Variants in NRXN1 observed in about 807,000 individuals in gnomAD.
NRXN1 encodes neurexin-1.
NRXN1 carries 39 observed loss-of-function variants against 150.9 expected under a neutral mutation model. The ratio of observed to expected loss-of-function variants is 0.26; its 90% CI spans 0.20 to 0.34. The LOEUF (loss-of-function observed/expected upper bound fraction) is 0.34. Among genes scored for constraint, NRXN1 ranks in the 10% least tolerant of loss-of-function variants. The pLI is 1.00. For synonymous variants in NRXN1, 924 were observed against 757.0 expected (o/e 1.22, Z -3.62); for missense variants, 1,815 against 1,949.9 (o/e 0.93, Z 1.30).
chr2:50,594,054 G>A (rs935301120), intron 8 of NRXN1, among the ~76,000 whole-genome samples: 3 of 152,152 alleles, frequency 2.0e-5, no homozygotes, highest in Non-Finnish European at 2.9e-5. Flanking sequence ...TGCAAATGAA[G>A]AAAGACTTAT....
intron 5 of NRXN1, among the ~76,000 whole-genome samples, chr2:50,739,937 T>TA (rs1699231063): frequency 1.3e-5 from 2 of 152,190 alleles, no homozygotes; most frequent in African/African-American, 2.4e-5. Context: ...ATCTGTGATT[T>TA]AAAAAAATCA....
chr2:50,790,921 C>T (rs190656751), intron 5 of NRXN1, among the ~76,000 whole-genome samples: 1 of 152,138 alleles, frequency 6.6e-6, no homozygotes, highest in Admixed American at 6.5e-5. Context: ...CAAGTGGGTG[C>T]TCAAATCTTT....
At chr2:50,566,304 C>G (rs1159557918) in intron 8 of NRXN1, among the ~76,000 whole-genome samples, 1 of 152,016 alleles carries the variant, frequency 6.6e-6, no homozygotes, top group Non-Finnish European at 1.5e-5. Flanking sequence ...AGTACAGTGG[C>G]ATGATCTCAG....
chr2:49,922,062 C>T lies in NRXN1; in HGVS notation c.4406G>A (p.Arg1469Gln), dbSNP rs1240177957. Residue 1469 changes from arginine to glutamine, a missense_variant, in exon 23 of 23, where the codon CGA becomes CAA. Transcript: ENST00000401669. ...DEGSYHVDES[R>Q]NYISNSAQSN... ...CTGTGCTGAGTTACTGATGTAGTTT[C>T]GACTCTCGTCCACATGGTATGAGCC... The T allele has an allele frequency of 4.3e-6, 7 of 1,613,958 alleles. No homozygotes were observed. The highest frequency in any genetic ancestry group is 3.3e-5 in the South Asian group (3 of 91,076).
chr2:50,362,901 C>A (rs923698259), intron 17 of NRXN1, among the ~76,000 whole-genome samples: 2 of 152,074 alleles, frequency 1.3e-5, no homozygotes, highest in Non-Finnish European at 2.9e-5. Flanking sequence ...ATATATAGAC[C>A]AATGGAATAG....
At chr2:50,578,011 A>T (rs1339972607) in intron 8 of NRXN1, among the ~76,000 whole-genome samples, 1 of 152,160 alleles carries the variant, frequency 6.6e-6, no homozygotes, top group East Asian at 1.9e-4. Context: ...ATTGACATTC[A>T]GATTTAGCAA....
chr2:50,760,327 G>A (rs1574381280), intron 5 of NRXN1, among the ~76,000 whole-genome samples: 1 of 151,844 alleles, frequency 6.6e-6, no homozygotes, highest in East Asian at 1.9e-4. Flanking sequence ...ACATGGAAAG[G>A]CGTTAGTCAC....
chr2:51,017,154 G>C (rs1668798119), intron 2 of NRXN1, among the ~76,000 whole-genome samples: 1 of 151,936 alleles, frequency 6.6e-6, no homozygotes, highest in Non-Finnish European at 1.5e-5. Context: ...ACCTAATATA[G>C]ATGACGGATT....
At chr2:50,617,935 G>A (rs1307749418) in intron 8 of NRXN1, among the ~76,000 whole-genome samples, 1 of 152,156 alleles carries the variant, frequency 6.6e-6, no homozygotes, top group Non-Finnish European at 1.5e-5. Context: ...CCTCACTTAT[G>A]CAGAATTATC....
At chr2:50,702,517 A>G (rs1693890598) in intron 5 of NRXN1, among the ~76,000 whole-genome samples, 1 of 151,666 alleles carries the variant, frequency 6.6e-6, no homozygotes, top group African/African-American at 2.4e-5. Flanking sequence ...GAACAGAGAA[A>G]ATTTTCTGTA....
chr2:50,595,904 A>C (rs1675121533), intron 8 of NRXN1, among the ~76,000 whole-genome samples: 1 of 152,192 alleles, frequency 6.6e-6, no homozygotes. Context: ...TGTAAGAATA[A>C]ACACTGTGTT....
intron 8 of NRXN1, among the ~76,000 whole-genome samples, chr2:50,593,728 C>G (rs995000596): frequency 2.6e-5 from 4 of 151,962 alleles, no homozygotes; most frequent in Non-Finnish European, 4.4e-5. Flanking sequence ...ATTTTGGCCA[C>G]GTTTTAAAGA....
At chr2:50,459,166 A>G (rs926568075) in intron 17 of NRXN1, among the ~76,000 whole-genome samples, 1 of 152,142 alleles carries the variant, frequency 6.6e-6, no homozygotes, top group Non-Finnish European at 1.5e-5. Flanking sequence ...ATTTTAAAAT[A>G]AAAGATTTCA....
intron 21 of NRXN1, among the ~76,000 whole-genome samples, chr2:50,011,464 T>C (rs1384764137): frequency 6.6e-6 from 1 of 152,150 alleles, no homozygotes; most frequent in Non-Finnish European, 1.5e-5. Context: ...GAAACTCAGA[T>C]AAGCTGAGGA....
At chr2:50,734,849 A>C (rs1350151566) in intron 5 of NRXN1, among the ~76,000 whole-genome samples, 1 of 152,210 alleles carries the variant, frequency 6.6e-6, no homozygotes, top group Non-Finnish European at 1.5e-5. Context: ...CAAATAAATA[A>C]ATCCAGAGAA....
chr2:50,769,237 G>A (rs1203057262), intron 5 of NRXN1, among the ~76,000 whole-genome samples: 1 of 151,850 alleles, frequency 6.6e-6, no homozygotes, highest in East Asian at 1.9e-4. Context: ...TCCACCTAGA[G>A]GGCTCTTAAA....
At chr2:50,447,715 T>A (rs1389904248) in intron 17 of NRXN1, among the ~76,000 whole-genome samples, 1 of 110,486 alleles carries the variant, frequency 9.1e-6, no homozygotes, top group African/African-American at 4.2e-5. Context: ...TTTTTAAAAA[T>A]CACATAGTAA....
In NRXN1 at chr2:50,013,679, G is replaced by A. The variant is rs1182461984; in HGVS notation, c.4128+39592C>T. Among the ~76,000 whole-genome samples, 3 of 152,144 alleles carry A rather than the reference G, an allele frequency of 2.0e-5. No homozygotes were observed. The East Asian group carries it at 5.8e-4, about 29-fold the overall frequency. On this transcript the variant is annotated intron_variant, in intron 21 of 22. Transcript: ENST00000401669. Reference sequence around the variant, plus strand: ...CATTTCTTATAATCTGCGGAACCCAGGTCTGAAACCACTTGGTGGAAAACG... The same window carrying A: ...CATTTCTTATAATCTGCGGAACCCAAGTCTGAAACCACTTGGTGGAAAACG...
chr2:50,265,343 G>C (rs2068725592), intron 17 of NRXN1, among the ~76,000 whole-genome samples: 1 of 152,106 alleles, frequency 6.6e-6, no homozygotes, highest in African/African-American at 2.4e-5. Flanking sequence ...ACTCAGGAAA[G>C]GGCAGCTCTT....
Sources: gnomAD v4.1 joint callset for allele counts (sites outside exome capture counted in the v4.1 genomes callset) on GRCh38, gnomAD v4.1.1 for gene constraint, MANE v1.5 for transcripts, NCBI Gene and HGNC (gene_info 2026-07-23, HGNC 2026-07-21) for gene names.